Variants in PACSIN2 observed in about 807,000 individuals in gnomAD.
The protein encoded by PACSIN2 is protein kinase C and casein kinase substrate in neurons 2.
PACSIN2 carries 25 observed loss-of-function variants against 63.8 expected under a neutral mutation model. That is an observed-to-expected ratio of 0.39 (90% confidence interval 0.29 to 0.55). The LOEUF (loss-of-function observed/expected upper bound fraction) is 0.55. Among genes scored for constraint, PACSIN2 ranks in the 20% least tolerant of loss-of-function variants. The pLI is 0.62. For synonymous variants in PACSIN2, 255 were observed against 256.2 expected, an observed-to-expected ratio of 1.00 and a Z score of 0.05; for missense variants, 518 against 646.9, an observed-to-expected ratio of 0.80 and a Z score of 2.16.
chr22:42,907,031 C>T (rs1013871350), intron 2 of PACSIN2, among the ~76,000 whole-genome samples: 1 of 152,164 alleles, frequency 6.6e-6, no homozygotes, highest in Non-Finnish European at 1.5e-5. Context: ...AGGGAAGGCT[C>T]TTCCTTTCCC....
At chr22:42,962,988 C>G (rs1920928291) in intron 1 of PACSIN2, among the ~76,000 whole-genome samples, 1 of 152,204 alleles carries the variant, frequency 6.6e-6, no homozygotes, top group South Asian at 2.1e-4. Context: ...GGCAGTGATA[C>G]AGCTGCCCGA....
chr22:42,899,196 A>G (rs1054376718), intron 2 of PACSIN2, among the ~76,000 whole-genome samples: 7 of 152,242 alleles, frequency 4.6e-5, no homozygotes, highest in African/African-American at 1.7e-4. Context: ...CAGGCACCCC[A>G]TACAAATGTG....
At chr22:42,930,434 C>A (rs886831071) in intron 1 of PACSIN2, among the ~76,000 whole-genome samples, 1 of 152,152 alleles carries the variant, frequency 6.6e-6, no homozygotes, top group Non-Finnish European at 1.5e-5. Context: ...TCGTGTCTCA[C>A]GCAGAGCCTA....
intron 1 of PACSIN2, among the ~76,000 whole-genome samples, chr22:42,915,616 C>G (rs1163373915): frequency 2.6e-5 from 4 of 152,198 alleles, no homozygotes; most frequent in Non-Finnish European, 4.4e-5. Flanking sequence ...GCCAGCTCCT[C>G]CCTGCCACAA....
At chr22:42,885,575 G>C (rs4820493) in intron 5 of PACSIN2, among the ~76,000 whole-genome samples, 68,485 of 151,808 alleles carry the variant, frequency 0.45, 16,008 homozygotes, top group Non-Finnish European at 0.48. Context: ...CCCCAGCTGG[G>C]ACTGAGTCTA....
At chr22:42,980,611 C>T (rs1401774752) in intron 1 of PACSIN2, among the ~76,000 whole-genome samples, 2 of 133,498 alleles carry the variant, frequency 1.5e-5, no homozygotes, top group African/African-American at 2.8e-5. Flanking sequence ...CTCAGCCTGC[C>T]GAGTGCCTGC....
chr22:42,929,708 A>G (rs1932745279), intron 1 of PACSIN2, among the ~76,000 whole-genome samples: 1 of 152,224 alleles, frequency 6.6e-6, no homozygotes, highest in South Asian at 2.1e-4. Flanking sequence ...AACTCGGACA[A>G]GGCAGGAGAG....
intron 1 of PACSIN2, among the ~76,000 whole-genome samples, chr22:42,944,451 A>T (rs1933317000): frequency 6.6e-6 from 1 of 152,198 alleles, no homozygotes; most frequent in South Asian, 2.1e-4. Flanking sequence ...AGGAAAACAG[A>T]AATGTACTCT....
intron 2 of PACSIN2, among the ~76,000 whole-genome samples, chr22:42,899,894 T>A (rs1930555338): frequency 6.6e-6 from 1 of 152,022 alleles, no homozygotes; most frequent in Non-Finnish European, 1.5e-5. Flanking sequence ...GCACATGAAG[T>A]AGGGGTGCGA....
intron 1 of PACSIN2, among the ~76,000 whole-genome samples, chr22:42,939,989 A>C (rs1378765578): frequency 6.6e-6 from 1 of 152,168 alleles, no homozygotes; most frequent in Non-Finnish European, 1.5e-5. Context: ...ATGAAGGAAA[A>C]TTCTACCTAG....
chr22:42,945,439 T>C (rs777746655), intron 1 of PACSIN2, among the ~76,000 whole-genome samples: 19 of 152,154 alleles, frequency 1.2e-4, no homozygotes, highest in Non-Finnish European at 2.2e-4. Context: ...CCTGATCTGC[T>C]GTCTGGCCCA....
intron 1 of PACSIN2, among the ~76,000 whole-genome samples, chr22:43,002,722 G>A (rs1016516284): frequency 3.3e-5 from 5 of 151,976 alleles, no homozygotes; most frequent in Non-Finnish European, 7.4e-5. Context: ...TAATTACACA[G>A]ATGAAAAAGG....
chr22:42,946,949 G>A (rs527556021), intron 1 of PACSIN2: 1 of 152,306 alleles, frequency 6.6e-6, no homozygotes, highest in East Asian at 1.9e-4. Flanking sequence ...ATTCCCCTTC[G>A]TGCCAGTCTT....
rs531204434 is a variant in PACSIN2, at chr22:42,938,586, T to C, written c.-77-26429A>G. ...ACAGCAAGCAGAGGCTGTCCAAACA[T>C]GAAGAATGCCTCTGCACAGGCCAAC... On this transcript the variant is annotated intron_variant, in intron 1 of 10. Transcript: ENST00000263246. Among the ~76,000 whole-genome samples, 470 of 152,274 alleles carry C rather than the reference T, an allele frequency of 3.1e-3. 2 individuals carry two copies. The highest frequency in any genetic ancestry group is 0.011 in the African/African-American group (462 of 41,546).
chr22:42,875,590 C>T lies in PACSIN2; in HGVS notation c.1348+547G>A, dbSNP rs553624749. Among the ~76,000 whole-genome samples the T allele has an allele frequency of 3.0e-4, 46 of 151,840 alleles. No individual in the cohort carries two copies. In the South Asian group the frequency reaches 9.5e-3, roughly 32 times the overall value. ...TTGCTCTGTCACCCAGCCTGGGGTA[C>T]AGTGGTGTGACCTTGGCTCACTGCA... On this transcript the variant is annotated intron_variant, in intron 10 of 10. Coordinates refer to ENST00000263246, the MANE Select transcript of PACSIN2 (RefSeq NM_001184970.3).
intron 2 of PACSIN2, among the ~76,000 whole-genome samples, chr22:42,904,773 G>A (rs1002786597): frequency 2.6e-5 from 4 of 152,054 alleles, no homozygotes; most frequent in East Asian, 3.9e-4. Context: ...CCCTGCACCC[G>A]AATCCTGGTT....
chr22:43,004,362 A>AC (rs1234172872), intron 1 of PACSIN2, among the ~76,000 whole-genome samples: 1 of 151,978 alleles, frequency 6.6e-6, no homozygotes, highest in Admixed American at 6.5e-5. Context: ...CTGACTCTGC[A>AC]CCCCCCACGC....
chr22:42,994,018 G>A (rs1923228733), intron 1 of PACSIN2, among the ~76,000 whole-genome samples: 1 of 152,204 alleles, frequency 6.6e-6, no homozygotes, highest in South Asian at 2.1e-4. Context: ...AAACTCTTCA[G>A]TGGGATTCCT....
At chr22:42,879,208 A>C in intron 7 of PACSIN2, 39 bp from the exon 8 acceptor site, 1 of 1,599,302 alleles carries the variant, frequency 6.3e-7, no homozygotes, top group South Asian at 1.1e-5. Context: ...CCAAAGGTTC[A>C]CTACTTGCTG....
Sources: allele counts gnomAD v4.1 joint callset (sites outside exome capture counted in the v4.1 genomes callset), GRCh38; gene constraint gnomAD v4.1.1; transcripts MANE v1.5; gene names NCBI Gene and HGNC (gene_info 2026-07-23, HGNC 2026-07-21).